RPF2: variants seen among roughly 807,000 people sequenced by gnomAD.
RPF2 encodes ribosome production factor 2 homolog, also known as brix domain containing 1.
A neutral mutation model predicts 38.9 loss-of-function variants in RPF2; 21 were observed. The ratio of observed to expected loss-of-function variants is 0.54; its 90% confidence interval spans 0.38 to 0.78. RPF2 has a LOEUF of 0.78. Among genes scored for constraint, RPF2 ranks in the 30% least tolerant of loss-of-function variants. RPF2 has a pLI of 0.00. For missense variants in RPF2, 314 were observed against 358.1 expected (o/e 0.88, Z 0.99); for synonymous variants, 121 against 126.2 (o/e 0.96, Z 0.28).
At chr6:111,006,375 C>T (rs1771908122) in intron 6 of RPF2, among the ~76,000 whole-genome samples, 1 of 151,794 alleles carries the variant, frequency 6.6e-6, no homozygotes, top group Non-Finnish European at 1.5e-5. Context: ...GCTGGGACTA[C>T]AGGCGTGTAC....
At chr6:110,997,127 T>A (rs1357701030) in intron 4 of RPF2, 56 bp from the exon 5 acceptor site, 1 of 1,121,614 alleles carries the variant, frequency 8.9e-7, no homozygotes. Context: ...AAAGGTAAGA[T>A]TCTTAAAGTT....
At chr6:110,996,375 C>T (rs1174444879) in intron 4 of RPF2, among the ~76,000 whole-genome samples, 1 of 151,964 alleles carries the variant, frequency 6.6e-6, no homozygotes, top group Admixed American at 6.6e-5. Context: ...GACAGGGTGT[C>T]ACCATGTTGG....
chr6:110,986,166 A>T (rs1344269276), intron 2 of RPF2, among the ~76,000 whole-genome samples: 1 of 152,180 alleles, frequency 6.6e-6, no homozygotes, highest in Non-Finnish European at 1.5e-5. Flanking sequence ...GGGCTAGATG[A>T]GGCTAGAAGA....
intron 6 of RPF2, among the ~76,000 whole-genome samples, 177 bp from the exon 7 acceptor site, chr6:111,007,861 T>C (rs9384781): frequency 0.13 from 19,670 of 152,024 alleles, 1,757 homozygotes; most frequent in East Asian, 0.5. Context: ...GCAGGAGAAT[T>C]GCTTGAACCC....
intron 6 of RPF2, among the ~76,000 whole-genome samples, chr6:111,001,953 G>C (rs11755537): frequency 0.18 from 26,957 of 152,158 alleles, 2,514 homozygotes; most frequent in South Asian, 0.28. Context: ...AGACAAGCCT[G>C]GGCAACGTAG....
chr6:111,022,045 G>A (rs780156976), intron 8 of RPF2, among the ~76,000 whole-genome samples: 8 of 152,256 alleles, frequency 5.3e-5, no homozygotes, highest in South Asian at 2.1e-4. Flanking sequence ...ATTTATATCC[G>A]TTGGGAAATT....
intron 6 of RPF2, among the ~76,000 whole-genome samples, chr6:111,005,883 C>G (rs1472239825): frequency 6.6e-6 from 1 of 152,198 alleles, no homozygotes; most frequent in Non-Finnish European, 1.5e-5. Context: ...GCTATCTCAG[C>G]TCACTGCAAC....
chr6:111,020,859 G>GA (rs113626360), intron 8 of RPF2, among the ~76,000 whole-genome samples: 44 of 151,504 alleles, frequency 2.9e-4, no homozygotes, highest in Middle Eastern at 3.4e-3. Context: ...CAAAAAAAGA[G>GA]AAAAAAAAGA....
chr6:110,999,815 T>C, intron 6 of RPF2, 28 bp downstream of exon 6: 1 of 1,258,938 alleles, frequency 7.9e-7, no homozygotes, highest in Non-Finnish European at 1.2e-6. Flanking sequence ...ATGAAAAGTA[T>C]TTTGTAATGC....
At position 111,026,605 on chromosome 6, in the gene RPF2, T is replaced by C. The variant is rs1266007502; in HGVS notation, c.*1023T>C. On this transcript the variant is annotated 3_prime_UTR_variant, in exon 10 of 10. Transcript: ENST00000441448. ...CTGGGTAGCCCTAGGTAGCTAAAGG[T>C]TGCATGAAGGCCCTGGGCGTTTGCA... 1 of 152,208 alleles carries C rather than the reference T, an allele frequency of 6.6e-6. No individual in the cohort carries two copies. The highest frequency in any genetic ancestry group is 1.9e-4 in the East Asian group (1 of 5,202). 9.4% of individuals were successfully genotyped at this position (152,208 alleles called of 1,614,324 possible). A position where few individuals can be genotyped will look rare whatever the true frequency, so the allele number is the denominator to read the frequency against.
chr6:110,985,901 G>GTA (rs1554247061), intron 2 of RPF2, among the ~76,000 whole-genome samples: 2 of 148,300 alleles, frequency 1.3e-5, no homozygotes, highest in Non-Finnish European at 1.5e-5. Flanking sequence ...TTGTGCCACT[G>GTA]CTCCAGCCTG....
In RPF2 at chr6:110,989,051, T is replaced by C. The variant is rs369612477; in HGVS notation, c.180T>C (p.Gly60=). ...AGTATGCACTGAAAAAACCATACGG[T>C]GTACTATATAAAAAGTAAGTCATGA... The part of the protein sequence containing the change: ...KDVYALKKPY[G]VLYKKKNITR... The change falls in exon 3 of 10, where the codon GGT becomes GGC. Residue 60 remains glycine, a synonymous_variant. Transcript: ENST00000441448. 6.3e-7 allele frequency: 1 copy of C among 1,580,344 alleles called. No individual in the cohort carries two copies. Among genetic ancestry groups the C allele is most frequent in the African/African-American group, 1.4e-5 (1 of 72,972 alleles).
At chr6:110,995,560 T>G (rs1289658533) in intron 4 of RPF2, among the ~76,000 whole-genome samples, 3 of 152,136 alleles carry the variant, frequency 2.0e-5, no homozygotes, top group African/African-American at 7.2e-5. Context: ...TTATGACTCT[T>G]TCATCTGTTT....
At chr6:110,993,449 T>A (rs1771655414) in intron 4 of RPF2, among the ~76,000 whole-genome samples, 1 of 152,206 alleles carries the variant, frequency 6.6e-6, no homozygotes, top group Non-Finnish European at 1.5e-5. Context: ...TTTTTCAAAT[T>A]ACTTTTATTT....
rs560521629 is a variant in RPF2, at chr6:111,024,400, T to C, written c.741+73T>C. The C allele has an allele frequency of 3.5e-6, 5 of 1,434,688 alleles. No individual in the cohort carries two copies. The East Asian group carries it at 1.2e-4, about 34-fold the overall frequency. The allele number at this position is 1,434,688 out of a possible 1,614,324, so 88.9% of individuals were successfully genotyped here. ...TAATCCTTTTTCTTTCCAAAAAGAA[T>C]TTGTGGCATATTATATTAAAAGACA... On this transcript the variant is annotated intron_variant, in intron 9 of 9. Coordinates refer to ENST00000441448, the MANE Select transcript of RPF2 (RefSeq NM_032194.3).
intron 3 of RPF2, among the ~76,000 whole-genome samples, chr6:110,990,492 A>G (rs1402606784): frequency 6.7e-6 from 1 of 149,302 alleles, no homozygotes; most frequent in Non-Finnish European, 1.5e-5. Flanking sequence ...TTCCTCATAT[A>G]TTCTTCTGGA....
chr6:110,993,093 G>A (rs989301917), intron 4 of RPF2, among the ~76,000 whole-genome samples: 1 of 152,070 alleles, frequency 6.6e-6, no homozygotes, highest in Non-Finnish European at 1.5e-5. Context: ...AGCAGGGACT[G>A]CAGGTGCACG....
intron 7 of RPF2, among the ~76,000 whole-genome samples, chr6:111,008,898 C>CATTTTTTTTTTTTTT (rs1771963049): frequency 8.3e-6 from 1 of 120,418 alleles, no homozygotes; most frequent in East Asian, 2.3e-4. Context: ...TTCCTGGCTC[C>CATTTTTTTTTTTTTT]TTTTTTTTTT....
intron 4 of RPF2, among the ~76,000 whole-genome samples, chr6:110,994,727 G>GTGTATATATATATATA (rs1554247818): frequency 8.4e-5 from 9 of 107,366 alleles, no homozygotes; most frequent in African/African-American, 4.1e-4. Context: ...AATGGGATGA[G>GTGTATATATATATATA]TATATATACA....
Sources: gnomAD v4.1 joint callset for allele counts (sites outside exome capture counted in the v4.1 genomes callset) on GRCh38, gnomAD v4.1.1 for gene constraint, MANE v1.5 for transcripts, NCBI Gene and HGNC (gene_info 2026-07-23, HGNC 2026-07-21) for gene names.